NEGR1: variants seen among roughly 807,000 people sequenced by gnomAD.
NEGR1 encodes the protein IgLON family member 4.
In NEGR1, 10 loss-of-function variants were observed where a neutral mutation model predicts 40.9. The ratio of observed to expected loss-of-function variants is 0.24; its 90% confidence interval spans 0.15 to 0.42. The LOEUF (loss-of-function observed/expected upper bound fraction) is 0.42. NEGR1 is among the 10% of genes least tolerant of loss of function. The probability of loss-of-function intolerance (pLI) is 1.00; values close to 1 mark genes in which losing one functional copy is unlikely to be tolerated. For missense variants in NEGR1, 352 were observed against 438.9 expected (o/e 0.80, Z 1.77); for synonymous variants, 185 against 166.8 (o/e 1.11, Z -0.84).
intron 1 of NEGR1, among the ~76,000 whole-genome samples, chr1:72,187,341 T>C (rs1250205097): frequency 6.6e-6 from 1 of 151,564 alleles, no homozygotes; most frequent in African/African-American, 2.4e-5. Context: ...AAAATATTTA[T>C]TGAAACAACA....
chr1:71,700,841 G>T (rs965165234), intron 3 of NEGR1, among the ~76,000 whole-genome samples: 10 of 151,846 alleles, frequency 6.6e-5, no homozygotes, highest in African/African-American at 2.4e-4. Context: ...GAGAGTTCTG[G>T]GAGGGACAAT....
At chr1:72,183,528 A>G (rs1424843290) in intron 1 of NEGR1, among the ~76,000 whole-genome samples, 1 of 152,012 alleles carries the variant, frequency 6.6e-6, no homozygotes, top group Non-Finnish European at 1.5e-5. Flanking sequence ...TGTTTCCCCT[A>G]TAAATACTGT....
intron 1 of NEGR1, among the ~76,000 whole-genome samples, chr1:72,023,526 A>G (rs1002001735): frequency 1.3e-5 from 2 of 151,790 alleles, no homozygotes; most frequent in Non-Finnish European, 2.9e-5. Context: ...TGTGTAAATG[A>G]GAGTTGTGCT....
At chr1:71,662,548 G>A (rs12120761) in intron 4 of NEGR1, among the ~76,000 whole-genome samples, 71,805 of 151,774 alleles carry the variant, frequency 0.47, 17,041 homozygotes, top group Middle Eastern at 0.54. Context: ...CAGTTTTTTC[G>A]CCTGAAAAAG....
At chr1:72,223,661 G>A (rs987313385) in intron 1 of NEGR1, among the ~76,000 whole-genome samples, 1 of 152,086 alleles carries the variant, frequency 6.6e-6, no homozygotes, top group East Asian at 1.9e-4. Context: ...AGCAAGTGAT[G>A]CTATTTGCTA....
chr1:71,545,574 T>C (rs756234176), intron 6 of NEGR1, among the ~76,000 whole-genome samples: 3 of 151,754 alleles, frequency 2.0e-5, no homozygotes, highest in Admixed American at 6.6e-5. Flanking sequence ...GTCCCCTTCT[T>C]GAGACATATT....
At chr1:71,698,975 T>G (rs955850000) in intron 3 of NEGR1, among the ~76,000 whole-genome samples, 1 of 151,800 alleles carries the variant, frequency 6.6e-6, no homozygotes, top group African/African-American at 2.4e-5. Context: ...TTATCAGAAG[T>G]GTGGCAAAGG....
intron 2 of NEGR1, among the ~76,000 whole-genome samples, chr1:71,854,803 A>T (rs750150815): frequency 5.9e-5 from 9 of 152,146 alleles, no homozygotes; most frequent in Non-Finnish European, 1.5e-5. Flanking sequence ...TCACGAGAAA[A>T]GCATGGGGGT....
At chr1:72,249,742 G>A (rs916069196) in intron 1 of NEGR1, among the ~76,000 whole-genome samples, 5 of 150,956 alleles carry the variant, frequency 3.3e-5, no homozygotes, top group African/African-American at 1.2e-4. Context: ...AGGAGAAAGA[G>A]GGAGGAGAGA....
intron 3 of NEGR1, among the ~76,000 whole-genome samples, chr1:71,705,706 T>A (rs1310280231): frequency 7.1e-6 from 1 of 140,714 alleles, no homozygotes; most frequent in East Asian, 2.1e-4. Context: ...GGCGACAGAG[T>A]GAGACTCAGT....
intron 4 of NEGR1, among the ~76,000 whole-genome samples, chr1:71,630,192 G>A (rs1168674186): frequency 6.6e-6 from 1 of 151,890 alleles, no homozygotes. Context: ...ATGTATTTAG[G>A]AGTTAAAATC....
chr1:71,437,182 C>A (rs1646515218), intron 6 of NEGR1, among the ~76,000 whole-genome samples: 1 of 151,898 alleles, frequency 6.6e-6, no homozygotes, highest in South Asian at 2.1e-4. Context: ...ATTATAAAAT[C>A]TAATGATTTC....
chr1:71,555,889 C>T (rs1320716129), intron 6 of NEGR1, among the ~76,000 whole-genome samples: 5 of 151,622 alleles, frequency 3.3e-5, no homozygotes, highest in Admixed American at 2.0e-4. Context: ...TTGAGGAAGA[C>T]GTACTTGAGA....
At chr1:72,177,174 T>C (rs1652197940) in intron 1 of NEGR1, among the ~76,000 whole-genome samples, 1 of 152,044 alleles carries the variant, frequency 6.6e-6, no homozygotes, top group Non-Finnish European at 1.5e-5. Context: ...ATACCACTGT[T>C]ACTACTATTT....
At chr1:71,773,634 C>A (rs2101714833) in intron 3 of NEGR1, among the ~76,000 whole-genome samples, 1 of 152,160 alleles carries the variant, frequency 6.6e-6, no homozygotes, top group East Asian at 1.9e-4. Flanking sequence ...GAATGTAGAT[C>A]ATTAATAAAT....
intron 2 of NEGR1, among the ~76,000 whole-genome samples, chr1:71,847,050 C>T (rs1659442225): frequency 6.6e-6 from 1 of 152,134 alleles, no homozygotes; most frequent in Non-Finnish European, 1.5e-5. Context: ...TTTCTTTTCA[C>T]ATTACTACTC....
At chr1:71,944,147 C>T (rs113174277) in intron 1 of NEGR1, among the ~76,000 whole-genome samples, 1 of 152,160 alleles carries the variant, frequency 6.6e-6, no homozygotes, top group Non-Finnish European at 1.5e-5. Context: ...TTTTTGATAA[C>T]TGGCAGGTGC....
chr1:71,566,726 A>G (rs1291059420), intron 6 of NEGR1, among the ~76,000 whole-genome samples: 1 of 152,178 alleles, frequency 6.6e-6, no homozygotes, highest in African/African-American at 2.4e-5. Context: ...ATACATGAGC[A>G]AAAAATAACA....
intron 6 of NEGR1, among the ~76,000 whole-genome samples, chr1:71,522,227 G>A (rs764052814): frequency 2.6e-5 from 4 of 151,788 alleles, no homozygotes; most frequent in Non-Finnish European, 5.9e-5. Context: ...ATTTTTATTC[G>A]AAGCCCAGTA....
Sources: gnomAD v4.1 joint callset for allele counts (sites outside exome capture counted in the v4.1 genomes callset) on GRCh38, gnomAD v4.1.1 for gene constraint, MANE v1.5 for transcripts, NCBI Gene and HGNC (gene_info 2026-07-23, HGNC 2026-07-21) for gene names.